Variants in DCC observed in about 807,000 individuals in gnomAD.
DCC encodes netrin receptor DCC.
Under a neutral mutation model 172.5 loss-of-function variants are expected in DCC, and 58 were observed. The ratio of observed to expected loss-of-function variants is 0.34; its 90% CI spans 0.27 to 0.42. DCC has a LOEUF of 0.42. DCC is among the 10% of genes least tolerant of loss of function. The pLI is 1.00. For synonymous variants in DCC, 709 were observed against 644.5 expected (o/e 1.10, Z -1.52); for missense variants, 1,740 against 1,791.0 (o/e 0.97, Z 0.51).
At chr18:52,386,330 G>A (rs72916965) in intron 1 of DCC, among the ~76,000 whole-genome samples, 12,228 of 152,092 alleles carry the variant, frequency 0.08, 714 homozygotes, top group South Asian at 0.2. Flanking sequence ...TCTTAACAAA[G>A]ATATAGCTTT....
At chr18:52,878,159 C>T (rs193066140) in intron 2 of DCC, among the ~76,000 whole-genome samples, 85 of 152,282 alleles carry the variant, frequency 5.6e-4, no homozygotes, top group Non-Finnish European at 1.0e-3. Context: ...ACCAAACTGA[C>T]ACAGTTCACA....
chr18:53,450,687 G>A (rs745823547), intron 23 of DCC, 25 bp downstream of exon 23: 2 of 1,589,874 alleles, frequency 1.3e-6, no homozygotes, highest in Admixed American at 1.7e-5. Flanking sequence ...GTTCCCAAGA[G>A]GAAAGAAGTC....
intron 2 of DCC, among the ~76,000 whole-genome samples, chr18:52,784,559 A>G (rs113795849): frequency 0.053 from 8,029 of 151,980 alleles, 279 homozygotes; most frequent in South Asian, 0.16. Flanking sequence ...ATTTTTCTCT[A>G]CATGTTTGCC....
rs570941253 is a variant in DCC at position 53,291,382 on chromosome 18, C to T, written c.1912-14196C>T. Among the ~76,000 whole-genome samples, 12 of 152,032 alleles carry T rather than the reference C, an allele frequency of 7.9e-5. No individual in the cohort carries two copies. In the East Asian group the frequency reaches 1.6e-3, roughly 20 times the overall value. On this transcript the variant is annotated intron_variant, in intron 12 of 28. Coordinates refer to ENST00000442544, the MANE Select transcript of DCC (RefSeq NM_005215.4). ...TAAATGCATCTTATCCTATAGTTGC[C>T]GTTTTTATATGGCATGAATCGTATT...
At chr18:52,552,194 G>A (rs537495889) in intron 1 of DCC, among the ~76,000 whole-genome samples, 1 of 152,068 alleles carries the variant, frequency 6.6e-6, no homozygotes, top group East Asian at 1.9e-4. Context: ...GTCAAAGGCA[G>A]GTAGATTCTA....
intron 1 of DCC, among the ~76,000 whole-genome samples, chr18:52,738,256 A>G (rs944726881): frequency 6.6e-6 from 1 of 152,146 alleles, no homozygotes; most frequent in Non-Finnish European, 1.5e-5. Context: ...GTTCTGAGAA[A>G]TGTATAGTTA....
intron 26 of DCC, among the ~76,000 whole-genome samples, chr18:53,489,155 G>A (rs1372783565): frequency 1.3e-5 from 2 of 151,996 alleles, no homozygotes; most frequent in African/African-American, 2.4e-5. Flanking sequence ...AATAAAAGTA[G>A]TTATACGACA....
intron 14 of DCC, among the ~76,000 whole-genome samples, chr18:53,325,863 G>A (rs547103798): frequency 5.0e-4 from 76 of 152,266 alleles, no homozygotes; most frequent in Non-Finnish European, 9.4e-4. Flanking sequence ...GATAATGGCT[G>A]CACTGATTAG....
chr18:52,648,089 T>C (rs2035053819), intron 1 of DCC, among the ~76,000 whole-genome samples: 1 of 152,094 alleles, frequency 6.6e-6, no homozygotes, highest in Non-Finnish European at 1.5e-5. Context: ...TTAAGTGAAA[T>C]ATGTGAGAAG....
intron 1 of DCC, among the ~76,000 whole-genome samples, chr18:52,589,172 G>A (rs1054625729): frequency 1.3e-5 from 2 of 152,192 alleles, no homozygotes; most frequent in Non-Finnish European, 2.9e-5. Flanking sequence ...GCAAATTGCA[G>A]AAGGGCTATT....
intron 1 of DCC, among the ~76,000 whole-genome samples, chr18:52,590,186 C>G (rs1383399305): frequency 6.7e-6 from 1 of 148,988 alleles, no homozygotes; most frequent in African/African-American, 2.5e-5. Context: ...TGTGTGTATG[C>G]AATTATTTTA....
At chr18:52,905,145 A>G (rs2039862763) in intron 2 of DCC, among the ~76,000 whole-genome samples, 1 of 151,810 alleles carries the variant, frequency 6.6e-6, no homozygotes, top group Non-Finnish European at 1.5e-5. Flanking sequence ...ATGTATATGC[A>G]TGCTTATGCT....
At chr18:52,596,514 C>G (rs879346957) in intron 1 of DCC, among the ~76,000 whole-genome samples, 4 of 152,200 alleles carry the variant, frequency 2.6e-5, no homozygotes, top group Non-Finnish European at 5.9e-5. Context: ...CCCCACCCCA[C>G]ATCTACTAAA....
chr18:52,819,966 TGCCTCG>T (rs2145269339), intron 2 of DCC, among the ~76,000 whole-genome samples: 1 of 152,252 alleles, frequency 6.6e-6, no homozygotes, highest in South Asian at 2.1e-4. Flanking sequence ...GTGATCCACC[TGCCTCG>T]GCCTCCCAAA....
chr18:53,305,571 T>TGG lies in DCC; in HGVS notation c.1912-7_1912-6insGG. The TGG allele has an allele frequency of 6.2e-7, 1 of 1,607,130 alleles. No individual in the cohort carries two copies. Among genetic ancestry groups the TGG allele is most frequent in the South Asian group, 1.1e-5 (1 of 90,952 alleles). On this transcript the variant is annotated splice_polypyrimidine_tract_variant and splice_region_variant and intron_variant, in intron 12 of 28. Transcript: ENST00000442544. Reference sequence around the variant, plus strand: ...CAATGTTTTAATTTACACCTATTATTTTACAGAGTATCAAAGTTAGCTGGC... The same window carrying TGG: ...CAATGTTTTAATTTACACCTATTATTGGTTACAGAGTATCAAAGTTAGCTGGC...
chr18:52,684,194 A>G (rs2035792571), intron 1 of DCC, among the ~76,000 whole-genome samples: 1 of 152,086 alleles, frequency 6.6e-6, no homozygotes, highest in South Asian at 2.1e-4. Context: ...TGGTGAGGTT[A>G]TATTCTGTGG....
At chr18:53,368,974 AT>A (rs1249605112) in intron 15 of DCC, among the ~76,000 whole-genome samples, 4 of 151,984 alleles carry the variant, frequency 2.6e-5, no homozygotes, top group Admixed American at 6.6e-5. Flanking sequence ...TCTAAAAAAA[AT>A]CACTAGAATT....
At chr18:52,990,580 T>G (rs912423596) in intron 5 of DCC, among the ~76,000 whole-genome samples, 1 of 150,388 alleles carries the variant, frequency 6.6e-6, no homozygotes, top group African/African-American at 2.4e-5. Flanking sequence ...AAGCTCCTTT[T>G]TTGCCACAAT....
chr18:52,747,501 T>G (rs1260274061), intron 1 of DCC, among the ~76,000 whole-genome samples: 1 of 152,246 alleles, frequency 6.6e-6, no homozygotes. Context: ...TGAGTTCTTC[T>G]GTTGCCTTCC....
Sources: gnomAD v4.1 joint callset for allele counts (sites outside exome capture counted in the v4.1 genomes callset) on GRCh38, gnomAD v4.1.1 for gene constraint, MANE v1.5 for transcripts, NCBI Gene and HGNC (gene_info 2026-07-23, HGNC 2026-07-21) for gene names.